NECAB1: variants seen among roughly 807,000 people sequenced by gnomAD.
NECAB1 encodes the protein N-terminal EF-hand calcium-binding protein 1.
NECAB1 carries 29 observed loss-of-function variants against 57.5 expected under a neutral mutation model. The ratio of observed to expected loss-of-function variants is 0.50; its 90% CI spans 0.38 to 0.69. NECAB1 has a LOEUF of 0.69. NECAB1 is among the 30% of genes least tolerant of loss of function. The pLI is 0.00. For missense variants in NECAB1, 372 were observed against 413.8 expected, an observed-to-expected ratio of 0.90 and a Z score of 0.88; for synonymous variants, 142 against 147.7, an observed-to-expected ratio of 0.96 and a Z score of 0.28.
intron 9 of NECAB1, among the ~76,000 whole-genome samples, chr8:90,939,236 A>T (rs969805240): frequency 3.9e-5 from 6 of 152,240 alleles, no homozygotes; most frequent in African/African-American, 1.4e-4. Flanking sequence ...CTGCTGTAGC[A>T]GGTCTTGTTC....
intron 9 of NECAB1, among the ~76,000 whole-genome samples, chr8:90,937,186 T>C (rs1027628800): frequency 1.6e-4 from 24 of 152,196 alleles, no homozygotes; most frequent in Non-Finnish European, 3.4e-4. Context: ...GATTAGTCAA[T>C]GGCTAAAAGC....
intron 6 of NECAB1, among the ~76,000 whole-genome samples, chr8:90,923,607 A>G (rs1343699007): frequency 6.6e-6 from 1 of 152,252 alleles, no homozygotes; most frequent in Non-Finnish European, 1.5e-5. Flanking sequence ...GACAAATCAA[A>G]CACAAGAAAA....
chr8:90,796,950 A>G (rs1811671133), intron 1 of NECAB1, among the ~76,000 whole-genome samples: 1 of 152,222 alleles, frequency 6.6e-6, no homozygotes, highest in Non-Finnish European at 1.5e-5. Flanking sequence ...CCTGGGTCCA[A>G]CTCTGTGGTG....
chr8:90,891,823 A>G lies in NECAB1; in HGVS notation c.357+10693A>G, dbSNP rs11787003. Among the ~76,000 whole-genome samples, 68 of 152,018 alleles carry G rather than the reference A, an allele frequency of 4.5e-4. 1 individual carries two copies. Among genetic ancestry groups the G allele is most frequent in the Non-Finnish European group, 8.2e-4 (56 of 67,988 alleles). On this transcript the variant is annotated intron_variant, in intron 5 of 12. Transcript: ENST00000417640. ...ATTCTCCTGCCTCAGCCTCCCAAGT[A>G]GCTGGGACCACAGGAACACACCACT...
intron 3 of NECAB1, among the ~76,000 whole-genome samples, chr8:90,848,118 A>T (rs1184585581): frequency 6.6e-6 from 1 of 152,116 alleles, no homozygotes; most frequent in Non-Finnish European, 1.5e-5. Flanking sequence ...GCTCCTTAGA[A>T]ATTTCTCCAT....
intron 3 of NECAB1, among the ~76,000 whole-genome samples, chr8:90,834,998 TTTAA>T (rs1472652027): frequency 2.7e-4 from 36 of 131,052 alleles, no homozygotes; most frequent in African/African-American, 1.1e-3. Flanking sequence ...TTTTTTTTTT[TTTAA>T]AAAAGAGCCC....
At chr8:90,896,283 G>C (rs1402084188) in intron 5 of NECAB1, among the ~76,000 whole-genome samples, 1 of 152,188 alleles carries the variant, frequency 6.6e-6, no homozygotes, top group African/African-American at 2.4e-5. Flanking sequence ...AGAGTTGTTA[G>C]GTATGAGTTC....
At chr8:90,934,277 T>C (rs1360949255) in intron 8 of NECAB1, 27 bp from the exon 9 acceptor site, 3 of 1,493,290 alleles carry the variant, frequency 2.0e-6, no homozygotes, top group Non-Finnish European at 2.7e-6. Context: ...TTTTTTTCTT[T>C]TCTGCCATTT....
chr8:90,798,689 C>T (rs1327426328), intron 1 of NECAB1, among the ~76,000 whole-genome samples: 1 of 152,136 alleles, frequency 6.6e-6, no homozygotes, highest in Non-Finnish European at 1.5e-5. Flanking sequence ...TTTCTTTATC[C>T]AATTGACCAC....
At chr8:90,911,829 C>G (rs1336443680) in intron 5 of NECAB1, among the ~76,000 whole-genome samples, 1 of 152,094 alleles carries the variant, frequency 6.6e-6, no homozygotes, top group African/African-American at 2.4e-5. Flanking sequence ...TATCCTTTCT[C>G]CAATGGGTTA....
chr8:90,822,094 G>C (rs1298452135), intron 2 of NECAB1, among the ~76,000 whole-genome samples: 1 of 151,784 alleles, frequency 6.6e-6, no homozygotes, highest in Non-Finnish European at 1.5e-5. Flanking sequence ...GTACCCTTTG[G>C]TGGTAAAAGT....
chr8:90,810,920 G>A (rs1276343114), intron 2 of NECAB1, among the ~76,000 whole-genome samples: 1 of 151,750 alleles, frequency 6.6e-6, no homozygotes, highest in Non-Finnish European at 1.5e-5. Context: ...CATGCACATG[G>A]AGAAAATTGA....
At chr8:90,813,542 T>C (rs1812004286) in intron 2 of NECAB1, among the ~76,000 whole-genome samples, 2 of 152,176 alleles carry the variant, frequency 1.3e-5, no homozygotes, top group Non-Finnish European at 2.9e-5. Context: ...CATTATTATT[T>C]TAGAGACAAG....
At chr8:90,820,086 C>A (rs1446377007) in intron 2 of NECAB1, among the ~76,000 whole-genome samples, 2 of 151,858 alleles carry the variant, frequency 1.3e-5, no homozygotes, top group African/African-American at 4.8e-5. Flanking sequence ...ATTAAAGGGT[C>A]CCTCTCAGTT....
Position 90,959,022 on chromosome 8 carries a change from GT to G in NECAB1, c.*3512del. Reference sequence around the variant, plus strand: ...TCTTAAAATGCTACTTAAAACTTTGGTTGTTTTCCTGTAATATAAAAGAAAA... The same window carrying G: ...TCTTAAAATGCTACTTAAAACTTTGGTGTTTTCCTGTAATATAAAAGAAAA... On this transcript the variant is annotated 3_prime_UTR_variant, in exon 13 of 13. Transcript: ENST00000417640. The G allele has an allele frequency of 7.2e-7, 1 of 1,393,508 alleles. No homozygotes were observed. Among genetic ancestry groups the G allele is most frequent in the Non-Finnish European group, 9.6e-7 (1 of 1,044,214 alleles). The allele number at this position is 1,393,508 out of a possible 1,614,324, so 86.3% of individuals were successfully genotyped here. A position where few individuals can be genotyped will look rare whatever the true frequency, so the allele number is the denominator to read the frequency against.
At chr8:90,842,986 G>C (rs1165216104) in intron 3 of NECAB1, among the ~76,000 whole-genome samples, 2 of 152,140 alleles carry the variant, frequency 1.3e-5, no homozygotes, top group African/African-American at 4.8e-5. Flanking sequence ...AGAAATACCT[G>C]AGACTGGGTA....
At chr8:90,805,301 T>C (rs1811829168) in intron 2 of NECAB1, among the ~76,000 whole-genome samples, 1 of 152,194 alleles carries the variant, frequency 6.6e-6, no homozygotes, top group South Asian at 2.1e-4. Context: ...GAGTCCCTTG[T>C]GGACAGCATA....
At chr8:90,839,904 C>T (rs1469756732) in intron 3 of NECAB1, among the ~76,000 whole-genome samples, 1 of 152,106 alleles carries the variant, frequency 6.6e-6, no homozygotes, top group Non-Finnish European at 1.5e-5. Context: ...AGATAGATCT[C>T]CCCAAGGCAA....
intron 5 of NECAB1, among the ~76,000 whole-genome samples, chr8:90,907,781 T>C (rs532634020): frequency 6.6e-6 from 1 of 152,330 alleles, no homozygotes; most frequent in South Asian, 2.1e-4. Flanking sequence ...CTGTTTGTTA[T>C]TCTGAGCAAG....
Sources: allele counts gnomAD v4.1 joint callset (sites outside exome capture counted in the v4.1 genomes callset), GRCh38; gene constraint gnomAD v4.1.1; transcripts MANE v1.5; gene names NCBI Gene and HGNC (gene_info 2026-07-23, HGNC 2026-07-21).